ALPK2: variants seen among roughly 807,000 people sequenced by gnomAD.
ALPK2 encodes alpha-protein kinase 2.
ALPK2 carries 127 observed loss-of-function variants against 163.1 expected under a neutral mutation model. The observed-to-expected ratio is 0.78, with a 90% CI of 0.67 to 0.90. ALPK2 has a LOEUF of 0.90. ALPK2 is among the 40% of genes least tolerant of loss of function. ALPK2 has a pLI of 0.00. For synonymous variants in ALPK2, 953 were observed against 959.1 expected (o/e 0.99, Z 0.12); for missense variants, 2,360 against 2,589.6 (o/e 0.91, Z 1.92).
rs1247015193 is a variant in ALPK2, at chr18:58,544,845, T to G, written c.1963-6621A>C. The stretch of plus-strand genomic sequence containing the variant: ...ACAGTACCGCCAATCCCCTTGTCTC[T>G]TGCTACCTCCAACTAAGAAGGCTGG... On this transcript the variant is annotated intron_variant, in intron 4 of 12. Transcript: ENST00000361673. Among the ~76,000 whole-genome samples, 4 of 152,190 alleles carry G rather than the reference T, an allele frequency of 2.6e-5. No individual in the cohort carries two copies. The East Asian group carries it at 7.7e-4, about 29-fold the overall frequency.
chr18:58,507,382 C>A (rs1267042361), intron 10 of ALPK2, among the ~76,000 whole-genome samples: 1 of 152,172 alleles, frequency 6.6e-6, no homozygotes, highest in Non-Finnish European at 1.5e-5. Context: ...GGTTTTGAAT[C>A]AGGATCTTTA....
At position 58,535,536 on chromosome 18, in the gene ALPK2, C is replaced by T. The variant is rs3809983; in HGVS notation, c.4651G>A (p.Ala1551Thr). The T allele has an allele frequency of 6.8e-6, 11 of 1,613,918 alleles. No homozygotes were observed. Among genetic ancestry groups the T allele is most frequent in the East Asian group, 4.5e-5 (2 of 44,884 alleles). ...TTGTGCGTGTCAACCCCAAGAGAAG[C>T]GTGAGTCATTATTGGAAGACAACTA... is the stretch of plus-strand genomic sequence containing the variant. ...LSSCLPIMTH[A>T]SLGVDTHNST... The change falls in exon 5 of 13, where the codon GCT (alanine) becomes ACT (threonine). Residue 1551 changes from alanine to threonine, a missense_variant. Ala to Thr is a moderately conservative substitution (Grantham distance 58). Coordinates refer to ENST00000361673, the MANE Select transcript of ALPK2 (RefSeq NM_052947.4).
chr18:58,619,094 G>A (rs999966800), intron 1 of ALPK2, among the ~76,000 whole-genome samples: 4 of 152,220 alleles, frequency 2.6e-5, no homozygotes, highest in East Asian at 3.8e-4. Context: ...ACCCAGTCCC[G>A]TGTTAGTTAG....
intron 1 of ALPK2, among the ~76,000 whole-genome samples, chr18:58,613,442 C>G (rs1212227944): frequency 6.6e-6 from 1 of 152,146 alleles, no homozygotes; most frequent in East Asian, 1.9e-4. Context: ...CGCCTCTCAT[C>G]CCAGCACTTT....
intron 3 of ALPK2, among the ~76,000 whole-genome samples, chr18:58,606,613 G>A (rs565418977): frequency 4.6e-5 from 7 of 152,150 alleles, no homozygotes; most frequent in Admixed American, 1.3e-4. Context: ...CAGACTCAAC[G>A]CTATCAGCAC....
chr18:58,534,150 C>CT lies in ALPK2; in HGVS notation c.5353+683dup, dbSNP rs10714071. 2.5e-3 allele frequency among the ~76,000 whole-genome samples: 364 copies of CT among 145,668 alleles called. 1 individual carries two copies. The highest frequency in any genetic ancestry group is 7.2e-3 in the Middle Eastern group (2 of 278). On this transcript the variant is annotated intron_variant, in intron 5 of 12. Transcript: ENST00000361673. ...AGTAGAATTAACTGCAATTTCAGGA[C>CT]TTTTTTTTTTTTTTTAACAGCATCA...
chr18:58,487,344 A>G (rs1021910723), intron 12 of ALPK2, among the ~76,000 whole-genome samples: 4 of 152,170 alleles, frequency 2.6e-5, no homozygotes, highest in Admixed American at 2.6e-4. Flanking sequence ...AAGGATTGCC[A>G]GCAAACCCGG....
intron 4 of ALPK2, among the ~76,000 whole-genome samples, chr18:58,576,226 T>C (rs536279842): frequency 1.3e-5 from 2 of 152,198 alleles, no homozygotes; most frequent in Admixed American, 1.3e-4. Flanking sequence ...ATATGAAAAT[T>C]AGCCAGGTGT....
intron 2 of ALPK2, among the ~76,000 whole-genome samples, chr18:58,608,978 A>G (rs891156985): frequency 6.6e-6 from 1 of 151,414 alleles, no homozygotes; most frequent in South Asian, 2.1e-4. Context: ...AAAGAAAAGA[A>G]AAGAAAAGAA....
chr18:58,542,571 A>G (rs1249260231), intron 4 of ALPK2, among the ~76,000 whole-genome samples: 1 of 152,232 alleles, frequency 6.6e-6, no homozygotes, highest in African/African-American at 2.4e-5. Flanking sequence ...ATTGACTGTG[A>G]TAGAAGAGTG....
chr18:58,611,218 C>G (rs2052128856), intron 2 of ALPK2, among the ~76,000 whole-genome samples: 1 of 150,550 alleles, frequency 6.6e-6, no homozygotes, highest in African/African-American at 2.4e-5. Flanking sequence ...GCGGGGGTGG[C>G]AGTGAGCCGA....
At chr18:58,530,134 T>C (rs1429650376) in intron 5 of ALPK2, among the ~76,000 whole-genome samples, 1 of 152,248 alleles carries the variant, frequency 6.6e-6, no homozygotes, top group Non-Finnish European at 1.5e-5. Flanking sequence ...TCACCAATAC[T>C]GAGACTTTGC....
intron 12 of ALPK2, among the ~76,000 whole-genome samples, chr18:58,483,529 C>CTTTATTTATTTATTTATTTA (rs144938882): frequency 4.9e-5 from 7 of 142,778 alleles, no homozygotes; most frequent in East Asian, 2.1e-4. Flanking sequence ...GTCCTACTCA[C>CTTTATTTATTTATTTATTTA]TTTATTTATT....
chr18:58,562,376 G>C (rs2051829899), intron 4 of ALPK2, among the ~76,000 whole-genome samples: 1 of 152,198 alleles, frequency 6.6e-6, no homozygotes, highest in Non-Finnish European at 1.5e-5. Context: ...CTATAGAACT[G>C]ACTGATGTAA....
At chr18:58,621,035 C>G (rs1227674111) in intron 1 of ALPK2, among the ~76,000 whole-genome samples, 1 of 151,776 alleles carries the variant, frequency 6.6e-6, no homozygotes, top group East Asian at 2.0e-4. Context: ...TGCCTGTAGT[C>G]CCAGTTACTC....
At chr18:58,583,742 A>C (rs2051972009) in intron 3 of ALPK2, among the ~76,000 whole-genome samples, 1 of 149,714 alleles carries the variant, frequency 6.7e-6, no homozygotes. Context: ...TGTCTCAAAA[A>C]AAAAAAAAAA....
At chr18:58,491,000 G>A (rs1602183157) in intron 12 of ALPK2, among the ~76,000 whole-genome samples, 1 of 152,244 alleles carries the variant, frequency 6.6e-6, no homozygotes, top group African/African-American at 2.4e-5. Flanking sequence ...AGGAGGGGGC[G>A]TTGTAGGTAG....
chr18:58,526,572 C>G (rs999452513), intron 6 of ALPK2, among the ~76,000 whole-genome samples: 2 of 152,190 alleles, frequency 1.3e-5, no homozygotes, highest in African/African-American at 4.8e-5. Context: ...GGACCTCTCT[C>G]CCCAGAGTGG....
chr18:58,553,978 C>A (rs912211136), intron 4 of ALPK2, among the ~76,000 whole-genome samples: 1 of 150,036 alleles, frequency 6.7e-6, no homozygotes, highest in African/African-American at 2.5e-5. Context: ...TCTCCTGCCT[C>A]AGCCTCCTGA....
Sources: allele counts gnomAD v4.1 joint callset (sites outside exome capture counted in the v4.1 genomes callset), GRCh38; gene constraint gnomAD v4.1.1; transcripts MANE v1.5; gene names NCBI Gene and HGNC (gene_info 2026-07-23, HGNC 2026-07-21).